PLCG2: variants seen among roughly 807,000 people sequenced by gnomAD.
PLCG2 encodes phospholipase C gamma 2.
In PLCG2, 69 loss-of-function variants were observed where a neutral mutation model predicts 175.6. The observed-to-expected ratio is 0.39, with a 90% CI of 0.32 to 0.48. PLCG2 has a LOEUF of 0.48. PLCG2 is among the 20% of genes least tolerant of loss of function. PLCG2 has a pLI of 0.91. For missense variants in PLCG2, 1,798 were observed against 1,650.9 expected, an observed-to-expected ratio of 1.09 and a Z score of -1.54; for synonymous variants, 827 against 624.0, an observed-to-expected ratio of 1.33 and a Z score of -4.85.
At chr16:81,776,085 C>T (rs1204263080), upstream of PLCG2, among the ~76,000 whole-genome samples, 195 of 46,902 alleles carry the variant, frequency 4.2e-3, 57 homozygotes, top group Middle Eastern at 0.017. Flanking sequence ...CTCTCTCTCT[C>T]TCTCTTTCTT....
chr16:81,745,358 C>T (rs1325619774), intron 1 of PLCG2, among the ~76,000 whole-genome samples: 2 of 152,170 alleles, frequency 1.3e-5, no homozygotes, highest in Non-Finnish European at 2.9e-5. Flanking sequence ...TGCAATATCC[C>T]TTAGGGTAGT....
intron 2 of PLCG2, among the ~76,000 whole-genome samples, chr16:81,770,595 G>A (rs962375528): frequency 8.5e-5 from 13 of 152,060 alleles, no homozygotes; most frequent in African/African-American, 2.7e-4. Flanking sequence ...TGTGCATGTA[G>A]TCCCAACTAC....
At chr16:81,916,081 T>A (rs1181200396) in intron 19 of PLCG2, among the ~76,000 whole-genome samples, 1 of 152,164 alleles carries the variant, frequency 6.6e-6, no homozygotes, top group Non-Finnish European at 1.5e-5. Context: ...TTTTAGAAAA[T>A]ACAAATGGGA....
chr16:81,875,153 G>C (rs924528536), intron 7 of PLCG2, among the ~76,000 whole-genome samples: 2 of 151,676 alleles, frequency 1.3e-5, no homozygotes, highest in African/African-American at 4.8e-5. Flanking sequence ...TAATTGAAAC[G>C]GGGTTTCACC....
chr16:81,816,855 T>A (rs1904575340), intron 2 of PLCG2, among the ~76,000 whole-genome samples: 1 of 151,936 alleles, frequency 6.6e-6, no homozygotes, highest in Admixed American at 6.6e-5. Context: ...GAACTGAAAG[T>A]GCGGTTGCGC....
rs929695630 is a variant in PLCG2, at chr16:81,962,099, C to T, written c.*4101C>T. The T allele has an allele frequency of 4.3e-5, 8 of 185,252 alleles. No homozygotes were observed. The highest frequency in any genetic ancestry group is 2.6e-4 in the East Asian group (3 of 11,374). 11.5% of individuals were successfully genotyped at this position (185,252 alleles called of 1,614,324 possible). Reference sequence around the variant, plus strand: ...ACGACCAACCCCGATAGAGGAGGACCGGTCTTCGGTCAAGGGTATACGAGT... The same window carrying T: ...ACGACCAACCCCGATAGAGGAGGACTGGTCTTCGGTCAAGGGTATACGAGT... On this transcript the variant is annotated 3_prime_UTR_variant, in exon 33 of 33. Transcript: ENST00000564138.
chr16:81,951,991 G>C (rs114496028), intron 31 of PLCG2, among the ~76,000 whole-genome samples: 179 of 152,194 alleles, frequency 1.2e-3, no homozygotes, highest in African/African-American at 4.2e-3. Flanking sequence ...TTTATTGAAC[G>C]TAACCACTTC....
At chr16:81,925,031 T>A (rs1280792495) in intron 22 of PLCG2, among the ~76,000 whole-genome samples, 1 of 152,226 alleles carries the variant, frequency 6.6e-6, no homozygotes, top group East Asian at 1.9e-4. Flanking sequence ...CTAACAACAT[T>A]TTTGGAGTTG....
chr16:81,810,297 C>G (rs1004689124), intron 2 of PLCG2, among the ~76,000 whole-genome samples: 1 of 152,234 alleles, frequency 6.6e-6, no homozygotes, highest in African/African-American at 2.4e-5. Context: ...TGCTTCTCTC[C>G]TATCCCAGAC....
At chr16:81,933,243 A>G (rs994610323) in intron 25 of PLCG2, among the ~76,000 whole-genome samples, 4 of 152,210 alleles carry the variant, frequency 2.6e-5, no homozygotes, top group African/African-American at 9.6e-5. Context: ...GGGTAAAAAA[A>G]CTGGGACAGT....
chr16:81,858,992 A>G, intron 4 of PLCG2, 124 bp from the exon 5 acceptor site: 1 of 588,938 alleles, frequency 1.7e-6, no homozygotes. Flanking sequence ...CCTTGTTAGA[A>G]AGTTGGAAGA....
intron 2 of PLCG2, among the ~76,000 whole-genome samples, chr16:81,773,450 C>A (rs1188242679): frequency 6.6e-6 from 1 of 152,160 alleles, no homozygotes; most frequent in Non-Finnish European, 1.5e-5. Context: ...GAGACTATTA[C>A]ATTGTTGGAG....
upstream of PLCG2, among the ~76,000 whole-genome samples, chr16:81,778,875 TG>T (rs1910583218): frequency 6.6e-6 from 1 of 152,240 alleles, no homozygotes; most frequent in Non-Finnish European, 1.5e-5. Flanking sequence ...AGCTCATTGC[TG>T]TCTCGAACTC....
Position 81,889,238 on chromosome 16 carries a change from C to G in PLCG2, c.832C>G (p.Arg278Gly). 3 of 1,604,932 alleles carry G rather than the reference C, an allele frequency of 1.9e-6. No homozygotes were observed. Among genetic ancestry groups the G allele is most frequent in the Non-Finnish European group, 2.6e-6 (3 of 1,175,398 alleles). ...GACAAAGTTCATTGATGACACCATG[C>G]GTGAAACTGCTGAGCCTTTCTTGTT... is the stretch of plus-strand genomic sequence containing the variant. ...RMTKFIDDTM[R>G]ETAEPFLFVD... Residue 278 changes from arginine (R) to glycine (G), a missense_variant, in exon 10 of 33, where the codon CGT (arginine) becomes GGT (glycine). Physicochemically the swap from Arg to Gly is moderately radical, Grantham distance 125. Transcript: ENST00000564138.
At chr16:81,779,948 G>C (rs4254322) in intron 1 of PLCG2, among the ~76,000 whole-genome samples, 1 of 152,098 alleles carries the variant, frequency 6.6e-6, no homozygotes, top group Non-Finnish European at 1.5e-5. Flanking sequence ...CCGCTCCGCA[G>C]CTGTCTGCGT....
At chr16:81,881,709 A>G (rs765983787) in intron 8 of PLCG2, among the ~76,000 whole-genome samples, 4 of 152,138 alleles carry the variant, frequency 2.6e-5, no homozygotes, top group Non-Finnish European at 4.4e-5. Flanking sequence ...CACTGGCGCA[A>G]TCTTGGCTCA....
intron 1 of PLCG2, among the ~76,000 whole-genome samples, chr16:81,752,242 G>A (rs926877830): frequency 1.3e-5 from 2 of 151,906 alleles, no homozygotes; most frequent in Admixed American, 6.6e-5. Flanking sequence ...ACAATTCTAG[G>A]GTGTTTTTAG....
intron 29 of PLCG2, 122 bp from the exon 30 acceptor site, chr16:81,939,770 G>T (rs1411618118): frequency 2.3e-5 from 15 of 658,272 alleles, no homozygotes; most frequent in Non-Finnish European, 3.5e-5. Flanking sequence ...TTAGATCTTG[G>T]CATAGATGCA....
intron 6 of PLCG2, 144 bp downstream of exon 6, chr16:81,869,442 G>A: frequency 1.5e-6 from 1 of 655,512 alleles, no homozygotes; most frequent in East Asian, 2.6e-5. Flanking sequence ...TTCAGACAGA[G>A]GGATCATGGA....
Sources: gnomAD v4.1 joint callset for allele counts (sites outside exome capture counted in the v4.1 genomes callset) on GRCh38, gnomAD v4.1.1 for gene constraint, MANE v1.5 for transcripts, NCBI Gene and HGNC (gene_info 2026-07-23, HGNC 2026-07-21) for gene names.